Variants in HBS1L observed in about 807,000 individuals in gnomAD.
The protein encoded by HBS1L is HBS1 like translational GTPase.
A neutral mutation model predicts 88.9 loss-of-function variants in HBS1L; 55 were observed. The ratio of observed to expected loss-of-function variants is 0.62; its 90% CI spans 0.50 to 0.77. HBS1L has a LOEUF of 0.77. Among genes scored for constraint, HBS1L ranks in the 30% least tolerant of loss-of-function variants. The pLI is 0.00. For synonymous variants in HBS1L, 267 were observed against 288.5 expected (o/e 0.93, Z 0.76); for missense variants, 741 against 829.3 (o/e 0.89, Z 1.31).
chr6:135,002,840 T>G lies in HBS1L; in HGVS notation c.433A>C (p.Lys145Gln). 1.2e-6 allele frequency: 2 copies of G among 1,608,634 alleles called. No individual in the cohort carries two copies. The highest frequency in any genetic ancestry group is 1.7e-6 in the Non-Finnish European group (2 of 1,175,504). Residue 145 changes from lysine (K) to glutamine (Q), a missense_variant and splice_region_variant, in exon 5 of 18, where the codon AAA (lysine) becomes CAA (glutamine). By Grantham distance (53) the Lys-to-Gln change is moderately conservative. This residue lies in a region of HBS1L where 556 missense variants were observed against 598.4 expected (regional missense o/e 0.93). Coordinates refer to ENST00000367837, the MANE Select transcript of HBS1L (RefSeq NM_006620.4). ...TVSTGKIAKG[K>Q]PVDSQTSRSE... Reference sequence around the variant, plus strand: ...CGCGATGTCTGGGAATCTACTGGTTTTCCTAGTTAAGGAGTAAAATATAAA... The same window carrying G: ...CGCGATGTCTGGGAATCTACTGGTTGTCCTAGTTAAGGAGTAAAATATAAA...
rs1380994033 is a variant in HBS1L at position 134,963,401 on chromosome 6, G to A, written c.*1878C>T. 1.3e-5 allele frequency: 2 copies of A among 152,184 alleles called. No individual in the cohort carries two copies. Among genetic ancestry groups the A allele is most frequent in the Non-Finnish European group, 2.9e-5 (2 of 68,092 alleles). The allele number at this position is 152,184 out of a possible 1,614,324, so 9.4% of individuals were successfully genotyped here. A position where few individuals can be genotyped will look rare whatever the true frequency, so the allele number is the denominator to read the frequency against. On this transcript the variant is annotated 3_prime_UTR_variant, in exon 18 of 18. Transcript: ENST00000367837. ...AATTATCACATCTTGTCAAGAACCT[G>A]GCATTACAGAAGAGGTTTTTTATGG...
At chr6:135,016,254 A>T (rs1583115829) in intron 4 of HBS1L, among the ~76,000 whole-genome samples, 2 of 152,208 alleles carry the variant, frequency 1.3e-5, no homozygotes, top group East Asian at 3.8e-4. Context: ...ACCATCATTA[A>T]CATCTACTCA....
chr6:135,014,348 A>C (rs1432603879), intron 4 of HBS1L, among the ~76,000 whole-genome samples: 1 of 152,208 alleles, frequency 6.6e-6, no homozygotes. Flanking sequence ...ACGATCTTGG[A>C]TCTTCAGAGT....
intron 4 of HBS1L, among the ~76,000 whole-genome samples, chr6:135,030,453 G>A (rs1776353471): frequency 1.3e-5 from 2 of 152,138 alleles, no homozygotes; most frequent in African/African-American, 4.8e-5. Flanking sequence ...ACTCAGGTAG[G>A]TGTTCTTGGG....
intron 4 of HBS1L, among the ~76,000 whole-genome samples, chr6:135,007,828 C>A (rs553371816): frequency 6.6e-6 from 1 of 152,272 alleles, no homozygotes; most frequent in Admixed American, 6.5e-5. Flanking sequence ...AAATTGAACA[C>A]TAAATTTTCA....
chr6:135,013,558 A>G (rs1775833390), intron 4 of HBS1L, among the ~76,000 whole-genome samples: 1 of 152,228 alleles, frequency 6.6e-6, no homozygotes, highest in African/African-American at 2.4e-5. Context: ...TTGGAGAAAC[A>G]TATCATACTT....
At chr6:134,992,570 C>G (rs968517809) in intron 8 of HBS1L, among the ~76,000 whole-genome samples, 2 of 151,944 alleles carry the variant, frequency 1.3e-5, no homozygotes, top group East Asian at 3.9e-4. Flanking sequence ...GGCTAATGTG[C>G]GTATTTGTGT....
chr6:134,964,384 C>T lies in HBS1L; in HGVS notation c.*895G>A, dbSNP rs1235823893. On this transcript the variant is annotated 3_prime_UTR_variant, in exon 18 of 18. Transcript: ENST00000367837. ...TACTTACTCACAGGGGACTTATAAT[C>T]TATAAGGTAAGCAAGATAAAGAAAG... 6.6e-6 allele frequency: 1 copy of T among 151,858 alleles called. No homozygotes were observed. Among genetic ancestry groups the T allele is most frequent in the Non-Finnish European group, 1.5e-5 (1 of 67,960 alleles). 9.4% of individuals were successfully genotyped at this position (151,858 alleles called of 1,614,324 possible).
At chr6:135,036,859 T>C in intron 4 of HBS1L, 1 of 1,551,744 alleles carries the variant, frequency 6.4e-7, no homozygotes, top group Non-Finnish European at 8.7e-7. Context: ...TTTCTTATTA[T>C]CCTTAGCAAA....
chr6:134,978,699 G>A lies in HBS1L; in HGVS notation c.1777C>T (p.Pro593Ser). The A allele has an allele frequency of 6.3e-7, 1 of 1,588,148 alleles. No homozygotes were observed. Among genetic ancestry groups the A allele is most frequent in the Non-Finnish European group, 8.6e-7 (1 of 1,161,140 alleles). The change falls in exon 15 of 18, where the codon CCT becomes TCT. Residue 593 changes from proline to serine, a missense_variant. Pro to Ser is a moderately conservative substitution (Grantham distance 74). Transcript: ENST00000367837. ...ARILIFNIEIPITKGFPVLLH... is the reference protein window; with the variant it reads ...ARILIFNIEISITKGFPVLLH... ...CTTACAGGAAATCCTTTAGTGATAGGAATTTCAATATTAAAGATGAGGATT... is the reference window on the plus strand; with the variant it reads ...CTTACAGGAAATCCTTTAGTGATAGAAATTTCAATATTAAAGATGAGGATT...
chr6:135,023,271 C>T (rs1420242278), intron 4 of HBS1L, among the ~76,000 whole-genome samples: 2 of 151,868 alleles, frequency 1.3e-5, no homozygotes, highest in African/African-American at 2.4e-5. Context: ...GGTGAAACCC[C>T]GTCTCTTCTA....
chr6:135,026,431 C>T (rs1776228106), intron 4 of HBS1L, among the ~76,000 whole-genome samples: 1 of 151,886 alleles, frequency 6.6e-6, no homozygotes, highest in African/African-American at 2.4e-5. Context: ...AAAGAACACA[C>T]AAAGATAAAA....
chr6:135,036,982 A>C, intron 4 of HBS1L: 2 of 1,551,586 alleles, frequency 1.3e-6, no homozygotes, highest in South Asian at 1.2e-5. Flanking sequence ...AAGGACACTA[A>C]GATCAATATT....
At chr6:134,992,444 G>A (rs992214922) in intron 8 of HBS1L, among the ~76,000 whole-genome samples, 1 of 152,122 alleles carries the variant, frequency 6.6e-6, no homozygotes, top group African/African-American at 2.4e-5. Flanking sequence ...GCTGCCAATT[G>A]TATAAAAGAA....
rs62431094 is a variant in HBS1L at position 134,984,719 on chromosome 6, A to G, written c.1492+622T>C. ...ATCTTGCCCTTATTAAGTTAGATAT[A>G]TTCTTAGGTATTTAATATATCATCT... On this transcript the variant is annotated intron_variant, in intron 12 of 17. Transcript: ENST00000367837. Among the ~76,000 whole-genome samples, 373 of 152,216 alleles carry G rather than the reference A, an allele frequency of 2.5e-3. 1 individual carries two copies. Among genetic ancestry groups the G allele is most frequent in the Middle Eastern group, 0.017 (5 of 294 alleles).
At chr6:134,991,689 TA>T (rs1217513840) in intron 8 of HBS1L, among the ~76,000 whole-genome samples, 1 of 152,252 alleles carries the variant, frequency 6.6e-6, no homozygotes, top group Non-Finnish European at 1.5e-5. Context: ...GTCAACTTTC[TA>T]AAATAGTATC....
At chr6:134,989,900 A>G (rs1775083755) in intron 8 of HBS1L, among the ~76,000 whole-genome samples, 1 of 152,214 alleles carries the variant, frequency 6.6e-6, no homozygotes, top group Non-Finnish European at 1.5e-5. Context: ...CCTGTAGTCA[A>G]TAACTGTTCT....
chr6:134,982,585 A>C, intron 12 of HBS1L, 23 bp from the exon 13 acceptor site: 2 of 1,374,462 alleles, frequency 1.5e-6, no homozygotes, highest in Non-Finnish European at 2.1e-6. Flanking sequence ...CCAAAATCTT[A>C]TGGTTCATAC....
intron 2 of HBS1L, 23 bp downstream of exon 2, chr6:135,050,559 T>C: frequency 6.7e-7 from 1 of 1,501,910 alleles, no homozygotes; most frequent in Non-Finnish European, 9.2e-7. Flanking sequence ...ATCTAAGGAA[T>C]CAAATTATTT....
Sources: gnomAD v4.1 joint callset for allele counts (sites outside exome capture counted in the v4.1 genomes callset) on GRCh38, gnomAD v4.1.1 for gene constraint, gnomAD v4.1.1 regional missense constraint, MANE v1.5 for transcripts, NCBI Gene and HGNC (gene_info 2026-07-23, HGNC 2026-07-21) for gene names.